Variants in ZNF395 observed in about 807,000 individuals in gnomAD.
The protein encoded by ZNF395 is HD gene regulatory region-binding protein 2.
Under a neutral mutation model 57.7 loss-of-function variants are expected in ZNF395, and 20 were observed. The ratio of observed to expected loss-of-function variants is 0.35; its 90% confidence interval spans 0.24 to 0.50. The LOEUF (loss-of-function observed/expected upper bound fraction) is 0.50. Among genes scored for constraint, ZNF395 ranks in the 20% least tolerant of loss-of-function variants. The pLI, the probability that ZNF395 is intolerant of heterozygous loss-of-function variation, is 0.97. For synonymous variants in ZNF395, 295 were observed against 275.9 expected (o/e 1.07, Z -0.69); for missense variants, 606 against 671.2 (o/e 0.90, Z 1.07).
intron 1 of ZNF395, among the ~76,000 whole-genome samples, chr8:28,379,428 G>A (rs576049161): frequency 6.6e-6 from 1 of 152,278 alleles, no homozygotes; most frequent in African/African-American, 2.4e-5. Context: ...CACTTGGGAG[G>A]CTGAGGCAGA....
intron 3 of ZNF395, among the ~76,000 whole-genome samples, chr8:28,357,297 T>A (rs919407836): frequency 6.6e-6 from 1 of 151,902 alleles, no homozygotes; most frequent in East Asian, 1.9e-4. Context: ...AGAAAAATGG[T>A]AAGGCATTCT....
intron 1 of ZNF395, chr8:28,368,315 C>G (rs1162618811): frequency 2.6e-5 from 4 of 152,248 alleles, no homozygotes; most frequent in Admixed American, 2.6e-4. Context: ...TTGAATGGCA[C>G]TCAGGTTTAT....
chr8:28,351,947 T>C lies in ZNF395; in HGVS notation c.921-140A>G, dbSNP rs1801719080. 3.2e-6 allele frequency: 3 copies of C among 935,684 alleles called. No individual in the cohort carries two copies. The African/African-American group carries it at 4.9e-5, about 15-fold the overall frequency. 58.0% of individuals were successfully genotyped at this position (935,684 alleles called of 1,614,324 possible). A position where few individuals can be genotyped will look rare whatever the true frequency, so the allele number is the denominator to read the frequency against. ...GAGCCCAAGAGAACACCCAGGTGCC[T>C]CGCTCCTGACGGGTGTCACCAGGAT... On this transcript the variant is annotated intron_variant, in intron 6 of 9. Transcript: ENST00000344423.
At chr8:28,372,499 G>A (rs967594821) in intron 1 of ZNF395, among the ~76,000 whole-genome samples, 9 of 152,222 alleles carry the variant, frequency 5.9e-5, no homozygotes, top group African/African-American at 2.2e-4. Flanking sequence ...AGAAAAAAAT[G>A]AAAACCATGC....
rs1001947409 is a variant in ZNF395, at chr8:28,346,614, C to T, written c.*2105G>A. The stretch of plus-strand genomic sequence containing the variant: ...AGAAGCCTGCACAAAGAGAAAAATC[C>T]GTATATCCAGTTATATCTACACGGT... On this transcript the variant is annotated 3_prime_UTR_variant, in exon 10 of 10. Transcript: ENST00000344423. The T allele has an allele frequency of 2.6e-5, 4 of 152,108 alleles. No homozygotes were observed. The highest frequency in any genetic ancestry group is 1.9e-4 in the East Asian group (1 of 5,184). The allele number at this position is 152,108 out of a possible 1,614,324, so 9.4% of individuals were successfully genotyped here. A position where few individuals can be genotyped will look rare whatever the true frequency, so the allele number is the denominator to read the frequency against.
chr8:28,356,834 G>T lies in ZNF395; in HGVS notation c.474-55C>A. 1.4e-6 allele frequency: 2 copies of T among 1,444,016 alleles called. No individual in the cohort carries two copies. The highest frequency in any genetic ancestry group is 2.4e-5 in the East Asian group (1 of 41,012). The allele number at this position is 1,444,016 out of a possible 1,614,324, so 89.5% of individuals were successfully genotyped here. A position where few individuals can be genotyped will look rare whatever the true frequency, so the allele number is the denominator to read the frequency against. ...TACTTCCTGGCATGGCGGGCCCATG[G>T]TCCTTGCAAAACGAGACACCACTTC... On this transcript the variant is annotated intron_variant, in intron 3 of 9. Coordinates refer to ENST00000344423, the MANE Select transcript of ZNF395 (RefSeq NM_018660.3). This position sits in a 1 kb window ranked among gnomAD's most constrained non-coding sequence, Gnocchi z 4.0.
intron 1 of ZNF395, among the ~76,000 whole-genome samples, chr8:28,362,733 C>A (rs768038376): frequency 9.2e-5 from 14 of 152,204 alleles, no homozygotes; most frequent in Non-Finnish European, 1.9e-4. Flanking sequence ...CCAAATCATT[C>A]CAGCAAGGTA....
chr8:28,372,887 C>A (rs1235705953), intron 1 of ZNF395, among the ~76,000 whole-genome samples: 1 of 152,192 alleles, frequency 6.6e-6, no homozygotes, highest in African/African-American at 2.4e-5. Flanking sequence ...CAGCGCTCTT[C>A]AGGACAAAGG....
chr8:28,364,067 A>G (rs1026538336), intron 1 of ZNF395, among the ~76,000 whole-genome samples: 1 of 152,246 alleles, frequency 6.6e-6, no homozygotes, highest in Non-Finnish European at 1.5e-5. Flanking sequence ...TTAAGTGCCT[A>G]AGAGGTACTA....
chr8:28,386,156 A>G (rs890530774), intron 1 of ZNF395: 13 of 147,122 alleles, frequency 8.8e-5, no homozygotes, highest in African/African-American at 3.0e-4. Flanking sequence ...CCGCCCGCCG[A>G]GGCTCGGTTG....
intron 1 of ZNF395, among the ~76,000 whole-genome samples, chr8:28,372,648 G>A (rs187187425): frequency 2.6e-5 from 4 of 152,284 alleles, no homozygotes; most frequent in East Asian, 1.9e-4. Context: ...TCAGCCAGGC[G>A]TGGTAGCATG....
At chr8:28,375,021 T>C (rs1802023349) in intron 1 of ZNF395, among the ~76,000 whole-genome samples, 1 of 152,184 alleles carries the variant, frequency 6.6e-6, no homozygotes, top group South Asian at 2.1e-4. Flanking sequence ...CCTAACCACA[T>C]AGGTTACTGC....
At chr8:28,377,857 A>T (rs745593086) in intron 1 of ZNF395, among the ~76,000 whole-genome samples, 17 of 146,638 alleles carry the variant, frequency 1.2e-4, no homozygotes, top group Non-Finnish European at 1.8e-4. Flanking sequence ...TCCTGGGTTC[A>T]AGTGATTCTC....
At chr8:28,381,781 C>T (rs1291914512) in intron 1 of ZNF395, among the ~76,000 whole-genome samples, 1 of 152,156 alleles carries the variant, frequency 6.6e-6, no homozygotes, top group Non-Finnish European at 1.5e-5. Flanking sequence ...GAGATCCCTG[C>T]CAGCCAGAAG....
At position 28,374,084 on chromosome 8, in the gene ZNF395, G is replaced by A. The variant is rs367588545; in HGVS notation, c.-59+12309C>T. Among the ~76,000 whole-genome samples, 27 of 152,300 alleles carry A rather than the reference G, an allele frequency of 1.8e-4. No homozygotes were observed. In the South Asian group the frequency reaches 4.3e-3, roughly 25 times the overall value. On this transcript the variant is annotated intron_variant, in intron 1 of 9. Coordinates refer to ENST00000344423, the MANE Select transcript of ZNF395 (RefSeq NM_018660.3). ...ATCTGGAAATGACTGAAGTGCCCAT[G>A]AATTAGGGAAAGGTGAAGTACTTGT...
At position 28,378,161 on chromosome 8, in the gene ZNF395, A is replaced by T. The variant is rs867725583; in HGVS notation, c.-59+8232T>A. 9.2e-5 allele frequency among the ~76,000 whole-genome samples: 14 copies of T among 152,140 alleles called. 1 individual carries two copies. The East Asian group carries it at 1.9e-3, about 21-fold the overall frequency. ...CCTTCTTGCTTTTCCTAAGGACCAA[A>T]TTTAATTTTCAGCAGCCCTGGGTTC... On this transcript the variant is annotated intron_variant, in intron 1 of 9. Coordinates refer to ENST00000344423, the MANE Select transcript of ZNF395 (RefSeq NM_018660.3).
intron 1 of ZNF395, among the ~76,000 whole-genome samples, chr8:28,372,308 T>C (rs1232512137): frequency 6.6e-6 from 1 of 152,166 alleles, no homozygotes; most frequent in African/African-American, 2.4e-5. Context: ...AAATGCATGT[T>C]GGATACTGAG....
At chr8:28,368,890 C>T (rs952446604) in intron 1 of ZNF395, among the ~76,000 whole-genome samples, 11 of 152,000 alleles carry the variant, frequency 7.2e-5, no homozygotes, top group African/African-American at 2.4e-4. Context: ...GGTTGGGGTG[C>T]AGTGGCGCCA....
At chr8:28,373,519 G>A (rs1263686648) in intron 1 of ZNF395, among the ~76,000 whole-genome samples, 1 of 152,176 alleles carries the variant, frequency 6.6e-6, no homozygotes, top group Admixed American at 6.5e-5. Context: ...AGCCACACTG[G>A]ATTACAAAGG....
Sources: allele counts gnomAD v4.1 joint callset (sites outside exome capture counted in the v4.1 genomes callset), GRCh38; gene constraint gnomAD v4.1.1; non-coding constraint Gnocchi (gnomAD v3.1); transcripts MANE v1.5; gene names NCBI Gene and HGNC (gene_info 2026-07-23, HGNC 2026-07-21).